RASAL2: variants seen among roughly 807,000 people sequenced by gnomAD.
RASAL2 encodes the protein ras GTPase-activating protein nGAP.
In RASAL2, 58 loss-of-function variants were observed where a neutral mutation model predicts 128.9. The observed-to-expected ratio is 0.45, with a 90% confidence interval of 0.36 to 0.56. The LOEUF is 0.56. Ranked by LOEUF, RASAL2 falls within the 20% of genes least tolerant of loss-of-function variation. The pLI, the probability that RASAL2 is intolerant of heterozygous loss-of-function variation, is 0.00. For missense variants in RASAL2, 1,360 were observed against 1,601.6 expected (o/e 0.85, Z 2.57); for synonymous variants, 561 against 580.8 (o/e 0.97, Z 0.49).
At chr1:178,229,539 A>G (rs1001019674) in intron 1 of RASAL2, among the ~76,000 whole-genome samples, 11 of 151,744 alleles carry the variant, frequency 7.2e-5, no homozygotes, top group African/African-American at 1.5e-4. Flanking sequence ...GATGTAGGCT[A>G]TGCATTTTTT....
chr1:178,356,922 C>T (rs1051499329), intron 3 of RASAL2, among the ~76,000 whole-genome samples: 4 of 152,094 alleles, frequency 2.6e-5, no homozygotes, highest in African/African-American at 4.8e-5. Context: ...TACTTGTTAT[C>T]CTTAAAGGCT....
intron 3 of RASAL2, among the ~76,000 whole-genome samples, chr1:178,348,980 T>A (rs113587660): frequency 0.07 from 10,668 of 151,328 alleles, 748 homozygotes; most frequent in African/African-American, 0.18. Flanking sequence ...TTTGTATTTT[T>A]AGTGGAGACG....
chr1:178,139,719 GT>G (rs952564927), intron 1 of RASAL2, among the ~76,000 whole-genome samples: 74 of 148,390 alleles, frequency 5.0e-4, no homozygotes, highest in African/African-American at 1.7e-3. Flanking sequence ...GTTGTCATAA[GT>G]TTTTTTTTTA....
chr1:178,244,981 G>A (rs1455782733), intron 1 of RASAL2, among the ~76,000 whole-genome samples: 1 of 152,148 alleles, frequency 6.6e-6, no homozygotes, highest in African/African-American at 2.4e-5. Context: ...TATCATTGAT[G>A]GGCATTTGGG....
At chr1:178,403,942 TAAGG>T (rs1345535154) in intron 4 of RASAL2, among the ~76,000 whole-genome samples, 3 of 152,048 alleles carry the variant, frequency 2.0e-5, no homozygotes, top group Non-Finnish European at 2.9e-5. Flanking sequence ...AGGAAACTAT[TAAGG>T]TCGGGCACGG....
chr1:178,404,908 C>T (rs1313851169), intron 4 of RASAL2, among the ~76,000 whole-genome samples: 1 of 152,002 alleles, frequency 6.6e-6, no homozygotes, highest in African/African-American at 2.4e-5. Context: ...TTTCATACTC[C>T]TAGGATCAAT....
chr1:178,402,402 TA>T (rs144428410), intron 4 of RASAL2, among the ~76,000 whole-genome samples: 4,159 of 139,658 alleles, frequency 0.03, 61 homozygotes, highest in Middle Eastern at 0.069. Flanking sequence ...AGACTTCATC[TA>T]AAAAAAAAAA....
At chr1:178,246,868 T>C (rs1351244085) in intron 1 of RASAL2, among the ~76,000 whole-genome samples, 2 of 152,180 alleles carry the variant, frequency 1.3e-5, no homozygotes, top group Admixed American at 6.5e-5. Flanking sequence ...ATGAATTACG[T>C]TTATTGATTT....
At chr1:178,161,732 C>T (rs559079985) in intron 1 of RASAL2, among the ~76,000 whole-genome samples, 10 of 152,170 alleles carry the variant, frequency 6.6e-5, no homozygotes, top group Admixed American at 5.2e-4. Context: ...AAGGATTCCA[C>T]GTTTTCCACA....
At chr1:178,224,872 C>T (rs768207619) in intron 1 of RASAL2, among the ~76,000 whole-genome samples, 1 of 151,990 alleles carries the variant, frequency 6.6e-6, no homozygotes, top group Non-Finnish European at 1.5e-5. Flanking sequence ...AAACTGATAT[C>T]CTATTTTAAA....
intron 1 of RASAL2, among the ~76,000 whole-genome samples, chr1:178,172,308 G>A (rs570446382): frequency 6.6e-6 from 1 of 152,150 alleles, no homozygotes; most frequent in African/African-American, 2.4e-5. Flanking sequence ...TAAATAATGT[G>A]TAGAAATGGT....
chr1:178,467,407 A>G lies in RASAL2; in HGVS notation c.3664A>G (p.Ile1222Val). The change falls in exon 17 of 18, where the codon ATA (isoleucine) becomes GTA (valine). Residue 1222 changes from isoleucine to valine, a missense_variant. Physicochemically the swap from Ile to Val is conservative, Grantham distance 29. Around this residue, in one of 3 missense-constraint regions of RASAL2, gnomAD observed 741 missense variants for 868.6 expected, o/e 0.85. Coordinates refer to ENST00000367649, the MANE Select transcript of RASAL2 (RefSeq NM_170692.4). ...AGCAGTTATTGATGCAAAGCAGAAA[A>G]TAATTGATGCACAGGTAAGCAGGCT... ...MQAVIDAKQK[I>V]IDAQEKRIVS... 1 of 1,613,932 alleles carries G rather than the reference A, an allele frequency of 6.2e-7. No homozygotes were observed. Among genetic ancestry groups the G allele is most frequent in the Non-Finnish European group, 8.5e-7 (1 of 1,179,798 alleles).
intron 1 of RASAL2, among the ~76,000 whole-genome samples, chr1:178,218,696 AT>A (rs1388575179): frequency 6.6e-6 from 1 of 152,262 alleles, no homozygotes; most frequent in African/African-American, 2.4e-5. Flanking sequence ...CAAAAAAAAA[AT>A]TCAGTTTGCC....
chr1:178,175,484 CT>C (rs1159853000), intron 1 of RASAL2, among the ~76,000 whole-genome samples: 1 of 125,106 alleles, frequency 8.0e-6, no homozygotes, highest in African/African-American at 3.0e-5. Flanking sequence ...TAACTATGCC[CT>C]TTTTTCACCA....
intron 1 of RASAL2, among the ~76,000 whole-genome samples, chr1:178,146,637 G>A (rs1660739715): frequency 2.0e-5 from 3 of 152,178 alleles, no homozygotes; most frequent in African/African-American, 7.2e-5. Context: ...TTTTATAATG[G>A]TGACTTCTTG....
At chr1:178,106,081 G>A (rs1659076647) in intron 1 of RASAL2, among the ~76,000 whole-genome samples, 1 of 152,152 alleles carries the variant, frequency 6.6e-6, no homozygotes, top group African/African-American at 2.4e-5. Context: ...ATTATTGTTA[G>A]GAGTTAATCT....
intron 3 of RASAL2, among the ~76,000 whole-genome samples, chr1:178,302,393 C>T (rs1342134534): frequency 2.7e-4 from 41 of 151,962 alleles, no homozygotes; most frequent in Admixed American, 2.7e-3. Context: ...AATTAAATAT[C>T]CTGTTTAATA....
chr1:178,364,867 G>T (rs137969183), intron 3 of RASAL2, among the ~76,000 whole-genome samples: 211 of 152,122 alleles, frequency 1.4e-3, no homozygotes, highest in African/African-American at 4.3e-3. Flanking sequence ...TTTTTGAGAA[G>T]GAGTTATCTG....
chr1:178,325,891 G>A (rs1208616612), intron 3 of RASAL2, among the ~76,000 whole-genome samples: 1 of 152,060 alleles, frequency 6.6e-6, no homozygotes, highest in Non-Finnish European at 1.5e-5. Context: ...AGGTGTTTGA[G>A]ACCAGCCTGG....
Sources: gnomAD v4.1 joint callset for allele counts (sites outside exome capture counted in the v4.1 genomes callset) on GRCh38, gnomAD v4.1.1 for gene constraint, gnomAD v4.1.1 regional missense constraint, MANE v1.5 for transcripts, NCBI Gene and HGNC (gene_info 2026-07-23, HGNC 2026-07-21) for gene names.